NFAT5: variants seen among roughly 807,000 people sequenced by gnomAD.
The protein encoded by NFAT5 is nuclear factor of activated T-cells 5.
Under a neutral mutation model 166.5 loss-of-function variants are expected in NFAT5, and 31 were observed. That is an observed-to-expected ratio of 0.19 (90% CI 0.14 to 0.25). The LOEUF (loss-of-function observed/expected upper bound fraction) is 0.25, where lower values mean the gene tolerates loss of function less well. NFAT5 is among the 10% of genes least tolerant of loss of function. NFAT5 has a pLI of 1.00. For synonymous variants in NFAT5, 612 were observed against 639.7 expected (o/e 0.96, Z 0.65); for missense variants, 1,449 against 1,821.8 (o/e 0.80, Z 3.72).
chr16:69,620,772 A>G (rs2034161679), intron 2 of NFAT5, among the ~76,000 whole-genome samples: 1 of 152,226 alleles, frequency 6.6e-6, no homozygotes, highest in Non-Finnish European at 1.5e-5. Context: ...CAGCTCTTAC[A>G]TTAATCCTTG....
At chr16:69,621,340 G>A (rs569444945) in intron 2 of NFAT5, among the ~76,000 whole-genome samples, 76 of 151,442 alleles carry the variant, frequency 5.0e-4, no homozygotes, top group Non-Finnish European at 8.1e-4. Flanking sequence ...GGTTATTAAT[G>A]TAAATACAGA....
At chr16:69,677,767 C>A (rs1018904089) in intron 10 of NFAT5, among the ~76,000 whole-genome samples, 1 of 152,214 alleles carries the variant, frequency 6.6e-6, no homozygotes, top group Admixed American at 6.5e-5. Context: ...AATAAAAAAT[C>A]CCAAAGACTG....
intron 2 of NFAT5, among the ~76,000 whole-genome samples, chr16:69,573,869 CTTTTT>C (rs774086026): frequency 8.9e-6 from 1 of 111,742 alleles, no homozygotes; most frequent in Non-Finnish European, 1.8e-5. Flanking sequence ...AAAACAGCCA[CTTTTT>C]TTTTTTTTTT....
rs952278604 is a variant in NFAT5, at chr16:69,700,613, C to T, written c.*4262C>T. 6.6e-6 allele frequency: 1 copy of T among 152,200 alleles called. No homozygotes were observed. Among genetic ancestry groups the T allele is most frequent in the African/African-American group, 2.4e-5 (1 of 41,542 alleles). 9.4% of individuals were successfully genotyped at this position (152,200 alleles called of 1,614,324 possible). A position where few individuals can be genotyped will look rare whatever the true frequency, so the allele number is the denominator to read the frequency against. ...AAGATTTCTGTTCCAATATCTGTTT[C>T]CTAATAGATTTTTTAAATTAATTAG... On this transcript the variant is annotated 3_prime_UTR_variant, in exon 15 of 15. Coordinates refer to ENST00000349945, the MANE Select transcript of NFAT5 (RefSeq NM_138713.4).
At chr16:69,688,224 AAAC>A (rs2037404956) in intron 11 of NFAT5, among the ~76,000 whole-genome samples, 1 of 140,680 alleles carries the variant, frequency 7.1e-6, no homozygotes, top group Admixed American at 6.8e-5. Flanking sequence ...AAAAAAAAAA[AAAC>A]CAGGAGTTTG....
intron 3 of NFAT5, among the ~76,000 whole-genome samples, chr16:69,634,676 C>T (rs1362913515): frequency 6.6e-6 from 1 of 152,084 alleles, no homozygotes; most frequent in Non-Finnish European, 1.5e-5. Flanking sequence ...TCTATACAGC[C>T]ATTCTCTAGA....
At chr16:69,618,225 A>G (rs929876458) in intron 2 of NFAT5, among the ~76,000 whole-genome samples, 1 of 152,102 alleles carries the variant, frequency 6.6e-6, no homozygotes, top group Non-Finnish European at 1.5e-5. Flanking sequence ...GATATAATTT[A>G]TACTGCTGTA....
At chr16:69,576,624 C>G (rs781017492) in intron 2 of NFAT5, among the ~76,000 whole-genome samples, 4 of 152,068 alleles carry the variant, frequency 2.6e-5, no homozygotes, top group Non-Finnish European at 5.9e-5. Flanking sequence ...AATCCCAGCA[C>G]TTTGGGAGGC....
intron 5 of NFAT5, 147 bp downstream of exon 5, chr16:69,653,575 A>ATT (rs61344735): frequency 3.9e-3 from 1,387 of 354,070 alleles, no homozygotes; most frequent in Middle Eastern, 7.4e-3. Flanking sequence ...TTTAGAAAGA[A>ATT]TTTTTTTTTT....
chr16:69,661,569 G>GAAAAAAAAAAAAAAAAA (rs1187473064), intron 7 of NFAT5, among the ~76,000 whole-genome samples: 8 of 92,036 alleles, frequency 8.7e-5, no homozygotes, highest in African/African-American at 1.7e-4. Flanking sequence ...AAAAAAAAAG[G>GAAAAAAAAAAAAAAAAA]AAATTGTTCA....
intron 2 of NFAT5, among the ~76,000 whole-genome samples, chr16:69,580,940 C>G (rs939066012): frequency 6.6e-6 from 1 of 152,352 alleles, no homozygotes; most frequent in South Asian, 2.1e-4. Context: ...CAGGCGTGAG[C>G]TGCCGCACCC....
At chr16:69,591,051 C>T (rs1303160000) in intron 2 of NFAT5, among the ~76,000 whole-genome samples, 1 of 152,184 alleles carries the variant, frequency 6.6e-6, no homozygotes, top group Non-Finnish European at 1.5e-5. Flanking sequence ...CCTGCCTCAG[C>T]CTCCCTAGTA....
chr16:69,694,515 A>G (rs1219554618), intron 13 of NFAT5, among the ~76,000 whole-genome samples: 6 of 152,172 alleles, frequency 3.9e-5, no homozygotes, highest in African/African-American at 1.4e-4. Context: ...TCGGCCTCCC[A>G]AAGTGCTGGG....
intron 2 of NFAT5, among the ~76,000 whole-genome samples, chr16:69,579,592 A>G (rs1367844808): frequency 1.3e-5 from 2 of 152,252 alleles, no homozygotes; most frequent in Non-Finnish European, 2.9e-5. Context: ...CTAAAAAAAC[A>G]CTTCCTTGAA....
At chr16:69,695,095 T>A (rs370669752) in intron 13 of NFAT5, 41 bp from the exon 14 acceptor site, 32 of 1,390,520 alleles carry the variant, frequency 2.3e-5, no homozygotes, top group African/African-American at 4.3e-5. Context: ...TTCTGCAGAC[T>A]GTAGTCAGCT....
intron 2 of NFAT5, among the ~76,000 whole-genome samples, chr16:69,611,663 A>G (rs72801337): frequency 0.059 from 8,960 of 152,280 alleles, 288 homozygotes; most frequent in Middle Eastern, 0.11. Context: ...CCATGTGGTG[A>G]AAGGGCCAAG....
intron 10 of NFAT5, among the ~76,000 whole-genome samples, chr16:69,678,205 T>A (rs1159554827): frequency 9.9e-6 from 1 of 100,576 alleles, no homozygotes; most frequent in Admixed American, 9.4e-5. Flanking sequence ...TGAGAGGAAC[T>A]AAATTTTTTT....
rs540020491 is a variant in NFAT5, at chr16:69,615,475, C to A, written c.128-10928C>A. 3.3e-5 allele frequency among the ~76,000 whole-genome samples: 5 copies of A among 152,206 alleles called. No homozygotes were observed. In the South Asian group the frequency reaches 6.2e-4, roughly 19 times the overall value. ...CCCTGATACTATTTCTCTGAAAAGC[C>A]CTGGTTACTTTTGGGGTGCTGCTTC... On this transcript the variant is annotated intron_variant, in intron 2 of 14. Coordinates refer to ENST00000349945, the MANE Select transcript of NFAT5 (RefSeq NM_138713.4).
chr16:69,570,572 A>C (rs2016370151), intron 2 of NFAT5, among the ~76,000 whole-genome samples: 1 of 151,842 alleles, frequency 6.6e-6, no homozygotes, highest in East Asian at 1.9e-4. Flanking sequence ...TTATTGATAT[A>C]ATTTAATTGT....
Sources: allele counts gnomAD v4.1 joint callset (sites outside exome capture counted in the v4.1 genomes callset), GRCh38; gene constraint gnomAD v4.1.1; transcripts MANE v1.5; gene names NCBI Gene and HGNC (gene_info 2026-07-23, HGNC 2026-07-21).